EEF1A2: variants seen among roughly 807,000 people sequenced by gnomAD.
EEF1A2 encodes the protein elongation factor 1-alpha 2.
A neutral mutation model predicts 39.3 loss-of-function variants in EEF1A2; 5 were observed. That is an observed-to-expected ratio of 0.13 (90% CI 0.07 to 0.27). EEF1A2 has a LOEUF of 0.27. Ranked by LOEUF, EEF1A2 falls within the 10% of genes least tolerant of loss-of-function variation. EEF1A2 has a pLI of 1.00. For synonymous variants in EEF1A2, 287 were observed against 293.7 expected (o/e 0.98, Z 0.23); for missense variants, 218 against 681.4 (o/e 0.32, Z 7.57).
intron 7 of EEF1A2, 116 bp from the exon 8 acceptor site, chr20:63,488,541 G>C: frequency 7.8e-7 from 1 of 1,278,780 alleles, no homozygotes. Flanking sequence ...AACACGCTTA[G>C]CGCAGAGCGC....
rs79025396 is a variant in EEF1A2, at chr20:63,497,092, A to G, written c.144+528T>C. The G allele has an allele frequency of 0.047, 7,205 of 152,738 alleles. 310 individuals are homozygous for G. Among genetic ancestry groups the G allele is most frequent in the South Asian group, 0.23 (1,097 of 4,842 alleles). 9.5% of individuals were successfully genotyped at this position (152,738 alleles called of 1,614,324 possible). On this transcript the variant is annotated intron_variant, in intron 2 of 7. Coordinates refer to ENST00000217182, the MANE Select transcript of EEF1A2 (RefSeq NM_001958.5). This position sits in a 1 kb window ranked among gnomAD's most constrained non-coding sequence, Gnocchi z 7.3. ...AGCCACCAAAGAGAAATCGCTTCAA[A>G]AGGTCAGCTAGGAGGTCACCTCATC...
chr20:63,495,122 T>G, intron 3 of EEF1A2, 21 bp from the exon 4 acceptor site: 1 of 1,600,546 alleles, frequency 6.2e-7, no homozygotes, highest in Non-Finnish European at 8.5e-7. Flanking sequence ...GGGGACACAG[T>G]GAGCCCTGCC....
chr20:63,497,746 G>C lies in EEF1A2; in HGVS notation c.18C>G (p.Thr6=), dbSNP rs1482528997. 2 of 1,612,584 alleles carry C rather than the reference G, an allele frequency of 1.2e-6. No individual in the cohort carries two copies. Among genetic ancestry groups the C allele is most frequent in the Admixed American group, 3.3e-5 (2 of 59,952 alleles). The part of the protein sequence containing the change: MGKEK[T]HINIVVIGHV... Reference sequence around the variant, plus strand: ...GGCCGATGACCACGATGTTGATGTGGGTCTTCTCCTTGCCCATTTTGCTGG... The same window carrying C: ...GGCCGATGACCACGATGTTGATGTGCGTCTTCTCCTTGCCCATTTTGCTGG... The change falls in exon 2 of 8, where the codon ACC becomes ACG. Residue 6 remains threonine (T), a synonymous_variant. Transcript: ENST00000217182. The surrounding 1 kb of genome is among the most constrained non-coding windows in gnomAD (Gnocchi z 7.3).
At chr20:63,492,099 T>C (rs1320074143) in intron 5 of EEF1A2, among the ~76,000 whole-genome samples, 1 of 133,912 alleles carries the variant, frequency 7.5e-6, no homozygotes, top group African/African-American at 2.9e-5. Flanking sequence ...GATGGGTGGA[T>C]GGGGAGATGG....
Position 63,497,895 on chromosome 20 carries a change from A to C in EEF1A2, c.-71-61T>G, listed in dbSNP as rs2082425637. ...GGGAGCCCCAGGGGGAGACACCAGC[A>C]GAGACTGTCCTGGCACAGGCTGGAC... On this transcript the variant is annotated intron_variant, in intron 1 of 7. Coordinates refer to ENST00000217182, the MANE Select transcript of EEF1A2 (RefSeq NM_001958.5). This position sits in a 1 kb window ranked among gnomAD's most constrained non-coding sequence, Gnocchi z 7.3. 2 of 1,268,808 alleles carry C rather than the reference A, an allele frequency of 1.6e-6. No individual in the cohort carries two copies. Among genetic ancestry groups the C allele is most frequent in the Non-Finnish European group, 2.2e-6 (2 of 920,426 alleles). The allele number at this position is 1,268,808 out of a possible 1,614,324, so 78.6% of individuals were successfully genotyped here.
chr20:63,492,799 T>G, intron 5 of EEF1A2, among the ~76,000 whole-genome samples: 1 of 78,636 alleles, frequency 1.3e-5, no homozygotes, highest in African/African-American at 5.6e-5. Context: ...GATGGAGGGA[T>G]GGTTCGATAG....
chr20:63,492,290 G>A (rs1397583231), intron 5 of EEF1A2, among the ~76,000 whole-genome samples: 4 of 151,194 alleles, frequency 2.6e-5, no homozygotes, highest in South Asian at 2.1e-4. Context: ...GGATGGATGG[G>A]TGGGTAGGTG....
Position 63,496,137 on chromosome 20 carries a change from G to A in EEF1A2, c.145-102C>T, listed in dbSNP as rs1396283456. On this transcript the variant is annotated intron_variant, in intron 2 of 7. Transcript: ENST00000217182. ...AGCAGAGTGGCCGCGAGAGGCGGGA[G>A]ATGGGCTCCAGCACCCCCTTGCTCT... The A allele has an allele frequency of 2.9e-6, 4 of 1,396,928 alleles. No homozygotes were observed. In the South Asian group the frequency reaches 5.2e-5, roughly 18 times the overall value. The allele number at this position is 1,396,928 out of a possible 1,614,324, so 86.5% of individuals were successfully genotyped here.
intron 2 of EEF1A2, chr20:63,496,377 C>T (rs1210082655): frequency 2.3e-5 from 7 of 307,544 alleles, no homozygotes; most frequent in African/African-American, 1.5e-4. Flanking sequence ...TCTGAAGCTG[C>T]GGACGCCCCC....
chr20:63,489,903 C>T (rs999883166), intron 6 of EEF1A2, among the ~76,000 whole-genome samples: 7 of 152,162 alleles, frequency 4.6e-5, no homozygotes, highest in African/African-American at 9.7e-5. Context: ...TTTTCTAGGA[C>T]GAATGTAGGA....
At chr20:63,492,619 GAGA>G (rs1278503679) in intron 5 of EEF1A2, among the ~76,000 whole-genome samples, 1 of 76,304 alleles carries the variant, frequency 1.3e-5, no homozygotes, top group Non-Finnish European at 2.6e-5. Flanking sequence ...GAGGGATAGA[GAGA>G]AGGATGGATG....
chr20:63,492,829 A>ATGG (rs146556014), intron 5 of EEF1A2, among the ~76,000 whole-genome samples: 3 of 62,484 alleles, frequency 4.8e-5, no homozygotes, highest in Admixed American at 1.2e-4. Context: ...TGGATGGGAC[A>ATGG]ATGGATGGAT....
At chr20:63,492,953 G>A (rs2082397967) in intron 5 of EEF1A2, among the ~76,000 whole-genome samples, 184 bp downstream of exon 5, 2 of 109,990 alleles carry the variant, frequency 1.8e-5, no homozygotes, top group South Asian at 6.9e-4. Context: ...TGGATGGACA[G>A]AGGATGGATG....
intron 5 of EEF1A2, 86 bp downstream of exon 5, chr20:63,493,051 C>A (rs2082398368): frequency 6.8e-7 from 1 of 1,471,466 alleles, no homozygotes. Context: ...GGAGACAGCC[C>A]AGTCTTGAGA....
At chr20:63,494,288 C>T (rs182331640) in intron 4 of EEF1A2, among the ~76,000 whole-genome samples, 65 of 152,348 alleles carry the variant, frequency 4.3e-4, no homozygotes, top group Non-Finnish European at 7.8e-4. Context: ...ACTGTTCGCA[C>T]GTTGAGCTCC....
At chr20:63,496,104 C>CT (rs759972979) in intron 2 of EEF1A2, 69 bp from the exon 3 acceptor site, 1 of 1,569,292 alleles carries the variant, frequency 6.4e-7, no homozygotes. Context: ...GTGCGAGCTG[C>CT]TTGTTACAGC....
At chr20:63,489,836 A>G (rs2082369999) in intron 6 of EEF1A2, among the ~76,000 whole-genome samples, 1 of 152,242 alleles carries the variant, frequency 6.6e-6, no homozygotes, top group South Asian at 2.1e-4. Flanking sequence ...GGCAATGAAG[A>G]CTGTAGAGAA....
intron 6 of EEF1A2, 77 bp downstream of exon 6, chr20:63,490,402 C>G: frequency 6.5e-7 from 1 of 1,528,986 alleles, no homozygotes; most frequent in Non-Finnish European, 8.8e-7. Context: ...GGCCACCTGC[C>G]GACAGCAGCC....
At chr20:63,493,393 G>A (rs1222654591) in intron 4 of EEF1A2, 106 bp from the exon 5 acceptor site, 4 of 1,329,148 alleles carry the variant, frequency 3.0e-6, no homozygotes, top group Non-Finnish European at 4.0e-6. Flanking sequence ...GGCTAAACTT[G>A]CCTCGTGCCC....
Sources: allele counts gnomAD v4.1 joint callset (sites outside exome capture counted in the v4.1 genomes callset), GRCh38; gene constraint gnomAD v4.1.1; non-coding constraint Gnocchi (gnomAD v3.1); transcripts MANE v1.5; gene names NCBI Gene and HGNC (gene_info 2026-07-23, HGNC 2026-07-21).